Variants in CRTAC1 observed in about 807,000 individuals in gnomAD.
CRTAC1 encodes cartilage acidic protein 1.
A neutral mutation model predicts 67.8 loss-of-function variants in CRTAC1; 37 were observed. The ratio of observed to expected loss-of-function variants is 0.55; its 90% confidence interval spans 0.42 to 0.72. CRTAC1 has a LOEUF of 0.72. Ranked by LOEUF, CRTAC1 falls within the 30% of genes least tolerant of loss-of-function variation. The pLI is 0.00. For synonymous variants in CRTAC1, 348 were observed against 371.0 expected (o/e 0.94, Z 0.71); for missense variants, 780 against 931.6 (o/e 0.84, Z 2.12).
chr10:97,902,173 A>G lies in CRTAC1; in HGVS notation c.997-534T>C, dbSNP rs569261472. Among the ~76,000 whole-genome samples the G allele has an allele frequency of 5.3e-5, 8 of 152,284 alleles. No individual in the cohort carries two copies. The South Asian group carries it at 1.7e-3, about 32-fold the overall frequency. Reference sequence around the variant, plus strand: ...CTAGCTGTGTGATCTTAGGCAAGTTACTAACCCCCTTGGATCTCACCTTCC... The same window carrying G: ...CTAGCTGTGTGATCTTAGGCAAGTTGCTAACCCCCTTGGATCTCACCTTCC... On this transcript the variant is annotated intron_variant, in intron 7 of 14. Transcript: ENST00000370597.
At chr10:97,968,397 C>A (rs571389822) in intron 2 of CRTAC1, among the ~76,000 whole-genome samples, 1 of 152,300 alleles carries the variant, frequency 6.6e-6, no homozygotes, top group Non-Finnish European at 1.5e-5. Flanking sequence ...CACGTGCCAC[C>A]ATGCCTGGCT....
intron 2 of CRTAC1, among the ~76,000 whole-genome samples, chr10:97,963,824 G>C (rs1206524210): frequency 6.6e-6 from 1 of 152,224 alleles, no homozygotes; most frequent in East Asian, 1.9e-4. Flanking sequence ...CTGAGAGGTA[G>C]ATGTAGGTCG....
intron 7 of CRTAC1, among the ~76,000 whole-genome samples, chr10:97,903,173 C>T (rs2050565176): frequency 6.7e-6 from 1 of 149,520 alleles, no homozygotes; most frequent in African/African-American, 2.5e-5. Context: ...AACAGGGTTC[C>T]TCACCCTCAG....
intron 1 of CRTAC1, among the ~76,000 whole-genome samples, chr10:98,027,261 C>T (rs995573372): frequency 6.6e-6 from 1 of 152,032 alleles, no homozygotes; most frequent in African/African-American, 2.4e-5. Context: ...GCCAGGCTCT[C>T]GGAACAGAAG....
chr10:97,913,610 C>T (rs186459094), intron 5 of CRTAC1, among the ~76,000 whole-genome samples: 3 of 152,264 alleles, frequency 2.0e-5, no homozygotes, highest in East Asian at 1.9e-4. Context: ...ATGTTCCCCC[C>T]GATACTCATC....
chr10:97,977,325 C>T (rs538171609), intron 2 of CRTAC1, among the ~76,000 whole-genome samples: 1 of 152,296 alleles, frequency 6.6e-6, no homozygotes, highest in East Asian at 1.9e-4. Context: ...AGAGCGGCAG[C>T]TCCAGGAACA....
intron 4 of CRTAC1, among the ~76,000 whole-genome samples, chr10:97,922,433 T>C (rs1170540001): frequency 6.6e-6 from 1 of 152,186 alleles, no homozygotes; most frequent in East Asian, 1.9e-4. Flanking sequence ...GCCCCCAGAA[T>C]GGGGGCCATA....
At chr10:97,896,838 C>CCCCCCCCAA in intron 9 of CRTAC1, 71 bp downstream of exon 9, 3 of 518,604 alleles carry the variant, frequency 5.8e-6, no homozygotes, top group Non-Finnish European at 3.6e-6. Flanking sequence ...CCCCGTCCCT[C>CCCCCCCCAA]CCGCCCTCAC....
intron 1 of CRTAC1, among the ~76,000 whole-genome samples, chr10:98,021,818 A>C (rs1843127327): frequency 2.0e-5 from 3 of 152,204 alleles, no homozygotes; most frequent in African/African-American, 4.8e-5. Flanking sequence ...TTTGAGGAAT[A>C]GGTTTGCTTC....
chr10:97,925,822 G>A (rs1590213761), intron 3 of CRTAC1, among the ~76,000 whole-genome samples: 2 of 152,110 alleles, frequency 1.3e-5, no homozygotes, highest in Non-Finnish European at 2.9e-5. Context: ...GCGGATGAGC[G>A]TGAGTACTTG....
chr10:97,968,223 G>A (rs927740992), intron 2 of CRTAC1, among the ~76,000 whole-genome samples: 27 of 152,154 alleles, frequency 1.8e-4, no homozygotes, highest in Admixed American at 1.6e-3. Context: ...GGTCCTGGGT[G>A]TGCACAGAGG....
intron 14 of CRTAC1, among the ~76,000 whole-genome samples, chr10:97,873,750 C>A (rs554865104): frequency 3.9e-5 from 6 of 152,332 alleles, no homozygotes; most frequent in African/African-American, 1.4e-4. Context: ...TGCTTTCCTG[C>A]TGGCAGGCAG....
At position 97,974,330 on chromosome 10, in the gene CRTAC1, C is replaced by T. The variant is rs116448082; in HGVS notation, c.224+36808G>A. On this transcript the variant is annotated intron_variant, in intron 2 of 14. Coordinates refer to ENST00000370597, the MANE Select transcript of CRTAC1 (RefSeq NM_018058.7). ...CCCCCTGCTGCGTAACAGGCGGACT[C>T]ACTTTGTTGTACATTTTGTCTCATC... 5.2e-3 allele frequency among the ~76,000 whole-genome samples: 786 copies of T among 152,286 alleles called. 9 individuals carry two copies. Among genetic ancestry groups the T allele is most frequent in the African/African-American group, 0.018 (752 of 41,570 alleles).
chr10:97,894,326 G>A (rs539021559), intron 11 of CRTAC1, among the ~76,000 whole-genome samples: 3 of 152,202 alleles, frequency 2.0e-5, no homozygotes, highest in Admixed American at 1.3e-4. Context: ...TCTAATAGGT[G>A]TGTAGTGATA....
intron 3 of CRTAC1, among the ~76,000 whole-genome samples, chr10:97,929,780 T>C (rs2050975545): frequency 6.6e-6 from 1 of 152,188 alleles, no homozygotes; most frequent in Non-Finnish European, 1.5e-5. Flanking sequence ...ACCGTCACCA[T>C]CACCACCATC....
intron 1 of CRTAC1, among the ~76,000 whole-genome samples, chr10:98,015,952 C>T (rs1842988185): frequency 6.6e-6 from 1 of 152,218 alleles, no homozygotes; most frequent in South Asian, 2.1e-4. Flanking sequence ...GAACATTCTC[C>T]TCTGCCTCTG....
In CRTAC1 at chr10:97,993,135, T is replaced by C. The variant is rs919452926; in HGVS notation, c.224+18003A>G. 1.4e-4 allele frequency among the ~76,000 whole-genome samples: 22 copies of C among 152,216 alleles called. 1 individual carries two copies. The highest frequency in any genetic ancestry group is 5.1e-4 in the African/African-American group (21 of 41,450). ...TGAGAATTTCACTGCCTCTCCTGTC[T>C]TGGTGTTAGGAACCGAGAAGAACCA... On this transcript the variant is annotated intron_variant, in intron 2 of 14. Coordinates refer to ENST00000370597, the MANE Select transcript of CRTAC1 (RefSeq NM_018058.7).
intron 4 of CRTAC1, 55 bp from the exon 5 acceptor site, chr10:97,917,711 A>C: frequency 7.2e-7 from 1 of 1,395,978 alleles, no homozygotes. Context: ...CATCCCAGAA[A>C]CCGCCCCCTC....
chr10:97,933,344 C>T (rs555721399), intron 3 of CRTAC1, among the ~76,000 whole-genome samples: 1 of 152,392 alleles, frequency 6.6e-6, no homozygotes, highest in African/African-American at 2.4e-5. Context: ...TCTCCCAGTG[C>T]ACACTTATGC....
Sources: gnomAD v4.1 joint callset for allele counts (sites outside exome capture counted in the v4.1 genomes callset) on GRCh38, gnomAD v4.1.1 for gene constraint, MANE v1.5 for transcripts, NCBI Gene and HGNC (gene_info 2026-07-23, HGNC 2026-07-21) for gene names.